MAP3K4: variants seen among roughly 807,000 people sequenced by gnomAD.
MAP3K4 encodes the protein mitogen-activated protein kinase kinase kinase 4.
In MAP3K4, 67 loss-of-function variants were observed where a neutral mutation model predicts 185.6. The observed-to-expected ratio is 0.36, with a 90% CI of 0.30 to 0.44. The LOEUF (loss-of-function observed/expected upper bound fraction) is 0.44, where lower values mean the gene tolerates loss of function less well. Among genes scored for constraint, MAP3K4 ranks in the 20% least tolerant of loss-of-function variants. The pLI, the probability that MAP3K4 is intolerant of heterozygous loss-of-function variation, is 1.00. For missense variants in MAP3K4, 1,551 were observed against 1,995.1 expected, an observed-to-expected ratio of 0.78 and a Z score of 4.24; for synonymous variants, 702 against 710.4, an observed-to-expected ratio of 0.99 and a Z score of 0.19.
At chr6:161,032,346 A>G (rs1396992930) in intron 1 of MAP3K4, among the ~76,000 whole-genome samples, 1 of 152,164 alleles carries the variant, frequency 6.6e-6, no homozygotes, top group African/African-American at 2.4e-5. Context: ...GTGACCTCCC[A>G]AGGCCTGTGA....
Position 161,088,037 on chromosome 6 carries a change from G to T in MAP3K4, c.2823+83G>T. The T allele has an allele frequency of 7.1e-7, 1 of 1,406,672 alleles. No homozygotes were observed. Among genetic ancestry groups the T allele is most frequent in the Non-Finnish European group, 9.6e-7 (1 of 1,045,844 alleles). 87.1% of individuals were successfully genotyped at this position (1,406,672 alleles called of 1,614,324 possible). ...AACTGTTAGCTGCTCATGAATGAGG[G>T]GTTTGACTACCCTAGTAATCACAAG... On this transcript the variant is annotated intron_variant, in intron 10 of 26. Transcript: ENST00000392142. This position sits in a 1 kb window ranked among gnomAD's most constrained non-coding sequence, Gnocchi z 4.5.
intron 17 of MAP3K4, among the ~76,000 whole-genome samples, chr6:161,099,721 A>G (rs1033192793): frequency 6.6e-6 from 1 of 152,194 alleles, no homozygotes; most frequent in African/African-American, 2.4e-5. Flanking sequence ...TTCACATGAG[A>G]CTGCTCCCGA....
intron 1 of MAP3K4, among the ~76,000 whole-genome samples, chr6:160,994,299 C>T (rs531714457): frequency 1.6e-4 from 25 of 152,250 alleles, no homozygotes; most frequent in African/African-American, 6.0e-4. Flanking sequence ...CCGCTCTGAG[C>T]CTTCCCCCGA....
In MAP3K4 at chr6:161,075,564, T is replaced by A. The variant is rs1458547078; in HGVS notation, c.2097+1952T>A. ...TTTATGGGTAACTAAACCAGAAGTT[T>A]AAGAAGACAGAATATGCTTTGCTTC... On this transcript the variant is annotated intron_variant, in intron 5 of 26. Coordinates refer to ENST00000392142, the MANE Select transcript of MAP3K4 (RefSeq NM_005922.4). The surrounding 1 kb of genome is among the most constrained non-coding windows in gnomAD (Gnocchi z 4.3). 6.6e-6 allele frequency among the ~76,000 whole-genome samples: 1 copy of A among 152,222 alleles called. No individual in the cohort carries two copies.
rs555558491 is a variant in MAP3K4, at chr6:160,998,363, T to C, written c.152+6280T>C. Among the ~76,000 whole-genome samples, 38 of 152,346 alleles carry C rather than the reference T, an allele frequency of 2.5e-4. No homozygotes were observed. The East Asian group carries it at 6.6e-3, about 26-fold the overall frequency. Reference sequence around the variant, plus strand: ...TACATACTAATTTTTCCTAAAACTTTTTATGATGAACGTGTTACACATTTT... The same window carrying C: ...TACATACTAATTTTTCCTAAAACTTCTTATGATGAACGTGTTACACATTTT... On this transcript the variant is annotated intron_variant, in intron 1 of 26. Transcript: ENST00000392142.
chr6:161,004,074 T>G (rs1781459262), intron 1 of MAP3K4, among the ~76,000 whole-genome samples: 1 of 150,158 alleles, frequency 6.7e-6, no homozygotes, highest in Non-Finnish European at 1.5e-5. Context: ...ATACCAAGAA[T>G]ATCAGAGAAA....
rs1019400066 is a variant in MAP3K4 at position 161,086,217 on chromosome 6, T to C, written c.2373-162T>C. Among the ~76,000 whole-genome samples the C allele has an allele frequency of 1.3e-5, 2 of 152,222 alleles. No individual in the cohort carries two copies. The highest frequency in any genetic ancestry group is 2.9e-5 in the Non-Finnish European group (2 of 68,042). ...ACTGTCAGGAGCAGGCTTCTGAATG[T>C]TTTGACTACATCTTCAATAATAGTT... On this transcript the variant is annotated intron_variant, in intron 7 of 26. Coordinates refer to ENST00000392142, the MANE Select transcript of MAP3K4 (RefSeq NM_005922.4). This position sits in a 1 kb window ranked among gnomAD's most constrained non-coding sequence, Gnocchi z 4.8.
chr6:161,009,559 G>T (rs1179497115), intron 1 of MAP3K4, among the ~76,000 whole-genome samples: 1 of 152,108 alleles, frequency 6.6e-6, no homozygotes, highest in Non-Finnish European at 1.5e-5. Flanking sequence ...ATGTTACGGG[G>T]TGTCAGAGCT....
chr6:161,042,777 A>G (rs1191926921), intron 2 of MAP3K4, among the ~76,000 whole-genome samples: 1 of 152,184 alleles, frequency 6.6e-6, no homozygotes, highest in East Asian at 1.9e-4. Flanking sequence ...AACCCTTTCC[A>G]GGGCATTGCT....
intron 1 of MAP3K4, among the ~76,000 whole-genome samples, chr6:161,015,760 A>T (rs975255726): frequency 1.3e-5 from 2 of 152,168 alleles, no homozygotes; most frequent in Admixed American, 1.3e-4. Context: ...GCTAGCACTC[A>T]TAGAGAGAAT....
At position 161,104,008 on chromosome 6, in the gene MAP3K4, C is replaced by T. The variant is rs373304181; in HGVS notation, c.3856+1229C>T. Among the ~76,000 whole-genome samples the T allele has an allele frequency of 1.7e-4, 26 of 152,256 alleles. No individual in the cohort carries two copies. The South Asian group carries it at 2.9e-3, about 17-fold the overall frequency. ...GCTCACATGTAATCAGCAGTTCCCA[C>T]GGATACCAGGTCTTTGCCATATTTT... is the stretch of plus-strand genomic sequence containing the variant. On this transcript the variant is annotated intron_variant, in intron 19 of 26. Coordinates refer to ENST00000392142, the MANE Select transcript of MAP3K4 (RefSeq NM_005922.4).
chr6:161,073,457 G>T lies in MAP3K4; in HGVS notation c.1951-9G>T. 6.3e-7 allele frequency: 1 copy of T among 1,583,338 alleles called. No individual in the cohort carries two copies. The highest frequency in any genetic ancestry group is 8.6e-7 in the Non-Finnish European group (1 of 1,164,366). ...ATGGCTGCTGGAACCTGTGTGTGTT[G>T]TTTTGCAGCTGGTGAGAGAGTGTAA... On this transcript the variant is annotated splice_polypyrimidine_tract_variant and intron_variant, in intron 4 of 26. Transcript: ENST00000392142. The surrounding 1 kb of genome is among the most constrained non-coding windows in gnomAD (Gnocchi z 4.2).
Position 161,049,322 on chromosome 6 carries a change from A to G in MAP3K4, c.1050A>G (p.Ser350=). 1 of 1,613,760 alleles carries G rather than the reference A, an allele frequency of 6.2e-7. No homozygotes were observed. The highest frequency in any genetic ancestry group is 8.5e-7 in the Non-Finnish European group (1 of 1,179,652). The change falls in exon 3 of 27, where the codon TCA becomes TCG. Residue 350 remains serine, a synonymous_variant. Coordinates refer to ENST00000392142, the MANE Select transcript of MAP3K4 (RefSeq NM_005922.4). This position sits in a 1 kb window ranked among gnomAD's most constrained non-coding sequence, Gnocchi z 8.4. ...HHEHLQRQRV[S]FEQVKRIMEL... is the part of the protein sequence containing the mutation. The stretch of plus-strand genomic sequence containing the variant: ...AGCATCTCCAACGCCAGAGGGTCTC[A>G]TTTGAGCAGGTAAAACGGATAATGG...
At chr6:161,099,182 C>G (rs1036213647) in intron 17 of MAP3K4, among the ~76,000 whole-genome samples, 1 of 152,188 alleles carries the variant, frequency 6.6e-6, no homozygotes, top group Non-Finnish European at 1.5e-5. Context: ...CAAGTCAAAC[C>G]AAACTATGTA....
chr6:161,058,162 G>A (rs1253341948), intron 3 of MAP3K4, among the ~76,000 whole-genome samples: 1 of 152,236 alleles, frequency 6.6e-6, no homozygotes, highest in Non-Finnish European at 1.5e-5. Context: ...AGCCATGTAT[G>A]CTCTTGACAG....
intron 1 of MAP3K4, among the ~76,000 whole-genome samples, chr6:161,025,121 C>T (rs1245270400): frequency 6.6e-6 from 1 of 152,154 alleles, no homozygotes; most frequent in Non-Finnish European, 1.5e-5. Context: ...GTCCCACCTT[C>T]GGCCAAATGG....
In MAP3K4 at chr6:161,073,520, T is replaced by C. The variant is rs777986315; in HGVS notation, c.2005T>C (p.Tyr669His). Residue 669 changes from tyrosine (Y) to histidine (H), a missense_variant, in exon 5 of 27, where the codon TAC becomes CAC. Coordinates refer to ENST00000392142, the MANE Select transcript of MAP3K4 (RefSeq NM_005922.4). This position sits in a 1 kb window ranked among gnomAD's most constrained non-coding sequence, Gnocchi z 4.2. ...GGGCGGCCTGCTGATGAAGCAGTAC[T>C]ACCAGTTCATGCTGCAGGAGGTTCT... ...LKGGLLMKQYYQFMLQEVLED... is the reference protein window; with the variant it reads ...LKGGLLMKQYHQFMLQEVLED... 65 of 1,613,802 alleles carry C rather than the reference T, an allele frequency of 4.0e-5. No homozygotes were observed. The highest frequency in any genetic ancestry group is 5.3e-5 in the Non-Finnish European group (62 of 1,179,874).
At position 161,065,406 on chromosome 6, in the gene MAP3K4, A is replaced by G. The variant is rs971180318; in HGVS notation, c.1708-5202A>G. Among the ~76,000 whole-genome samples, 9 of 152,332 alleles carry G rather than the reference A, an allele frequency of 5.9e-5. No individual in the cohort carries two copies. In the East Asian group the frequency reaches 1.2e-3, roughly 20 times the overall value. ...GATGATAACAGATATGTGTTCCTGC[A>G]CTGCACTGTCCCTTTCTCCGCTCAC... On this transcript the variant is annotated intron_variant, in intron 3 of 26. Transcript: ENST00000392142.
chr6:161,028,256 T>TC (rs1483913350), intron 1 of MAP3K4, among the ~76,000 whole-genome samples: 3 of 151,690 alleles, frequency 2.0e-5, no homozygotes, highest in African/African-American at 7.3e-5. Context: ...TAATTAACTG[T>TC]CCAAGCACAA....
Sources: allele counts gnomAD v4.1 joint callset (sites outside exome capture counted in the v4.1 genomes callset), GRCh38; gene constraint gnomAD v4.1.1; non-coding constraint Gnocchi (gnomAD v3.1); transcripts MANE v1.5; gene names NCBI Gene and HGNC (gene_info 2026-07-23, HGNC 2026-07-21).